The following KCNN2 variants were observed in gnomAD, a reference collection of about 807,000 sequenced individuals.
The protein encoded by KCNN2 is small conductance calcium-activated potassium channel protein 2.
KCNN2 carries 24 observed loss-of-function variants against 55.5 expected under a neutral mutation model. The observed-to-expected ratio is 0.43, with a 90% CI of 0.31 to 0.61. KCNN2 has a LOEUF of 0.61. Ranked by LOEUF, KCNN2 falls within the 20% of genes least tolerant of loss-of-function variation. The pLI, the probability that KCNN2 is intolerant of heterozygous loss-of-function variation, is 0.08. For missense variants in KCNN2, 754 were observed against 853.6 expected (o/e 0.88, Z 1.45); for synonymous variants, 431 against 336.1 (o/e 1.28, Z -3.09).
At chr5:114,420,428 T>G (rs1022135223) in intron 3 of KCNN2, among the ~76,000 whole-genome samples, 2 of 152,222 alleles carry the variant, frequency 1.3e-5, no homozygotes, top group East Asian at 3.8e-4. Flanking sequence ...TCCCCTGGTC[T>G]CTGCTTCCAA....
At chr5:114,413,439 CATGCCTGGCTAATTTTTTATGT>C (rs1415818673) in intron 3 of KCNN2, among the ~76,000 whole-genome samples, 5 of 152,146 alleles carry the variant, frequency 3.3e-5, no homozygotes, top group Non-Finnish European at 7.3e-5. Context: ...TGCCCGCCAC[CATGCCTGGCTAATTTTTTATGT>C]ATTTTTAGTA....
chr5:114,129,636 G>A (rs150434338), intron 1 of KCNN2, among the ~76,000 whole-genome samples: 13 of 152,240 alleles, frequency 8.5e-5, no homozygotes, highest in East Asian at 7.8e-4. Flanking sequence ...CCAGTCCTCC[G>A]GTATTGGGAA....
At chr5:114,229,556 C>CA (rs1272830760) in intron 2 of KCNN2, among the ~76,000 whole-genome samples, 2 of 151,810 alleles carry the variant, frequency 1.3e-5, no homozygotes, top group South Asian at 4.1e-4. Context: ...TAGGACATAT[C>CA]AGAGTACCAG....
At chr5:114,303,572 A>G (rs1756210495) in intron 2 of KCNN2, among the ~76,000 whole-genome samples, 1 of 152,244 alleles carries the variant, frequency 6.6e-6, no homozygotes, top group South Asian at 2.1e-4. Flanking sequence ...ACTGGAAGAA[A>G]GAGAATGACA....
chr5:114,249,107 G>C (rs1754806403), intron 2 of KCNN2, among the ~76,000 whole-genome samples: 1 of 152,092 alleles, frequency 6.6e-6, no homozygotes, highest in African/African-American at 2.4e-5. Flanking sequence ...AATAAAACAT[G>C]AGAAGAGAAT....
At chr5:114,383,118 C>A (rs146988417) in intron 2 of KCNN2, among the ~76,000 whole-genome samples, 1 of 152,198 alleles carries the variant, frequency 6.6e-6, no homozygotes, top group African/African-American at 2.4e-5. Context: ...GATAACTTAA[C>A]CATTCTGTGA....
At chr5:114,440,171 A>G (rs1760155094) in intron 3 of KCNN2, among the ~76,000 whole-genome samples, 1 of 152,180 alleles carries the variant, frequency 6.6e-6, no homozygotes, top group Non-Finnish European at 1.5e-5. Context: ...TAGACACATG[A>G]ACGTAAAAGG....
chr5:114,256,553 T>C (rs1041885327), intron 2 of KCNN2, among the ~76,000 whole-genome samples: 1 of 152,198 alleles, frequency 6.6e-6, no homozygotes, highest in Non-Finnish European at 1.5e-5. Flanking sequence ...TTTTTTGACT[T>C]TGTAATCATA....
intron 1 of KCNN2, among the ~76,000 whole-genome samples, chr5:114,091,981 GT>G (rs2112556457): frequency 6.6e-6 from 1 of 152,230 alleles, no homozygotes; most frequent in South Asian, 2.1e-4. Context: ...CAAATCTCAT[GT>G]TTCTTTCACA....
intron 2 of KCNN2, among the ~76,000 whole-genome samples, chr5:114,278,684 G>T (rs542344169): frequency 7.1e-4 from 108 of 152,350 alleles, no homozygotes; most frequent in African/African-American, 2.5e-3. Flanking sequence ...CCAGGCACAG[G>T]AGGGAATCTC....
At chr5:114,165,060 C>T (rs188629007) in intron 1 of KCNN2, among the ~76,000 whole-genome samples, 108 of 152,250 alleles carry the variant, frequency 7.1e-4, no homozygotes, top group Middle Eastern at 3.4e-3. Context: ...TGTTAAAGGT[C>T]GGATACAAAT....
chr5:114,406,460 A>G (rs375668101), intron 3 of KCNN2, among the ~76,000 whole-genome samples: 48 of 151,862 alleles, frequency 3.2e-4, no homozygotes, highest in Admixed American at 5.2e-4. Flanking sequence ...CTATGTTTAC[A>G]TTGTTATTAC....
intron 2 of KCNN2, among the ~76,000 whole-genome samples, chr5:114,340,280 T>C (rs1228852026): frequency 3.3e-5 from 5 of 152,226 alleles, no homozygotes; most frequent in Non-Finnish European, 2.9e-5. Context: ...GTGTTCTATT[T>C]AAGTTGCCCC....
intron 2 of KCNN2, among the ~76,000 whole-genome samples, chr5:114,385,954 G>A (rs986106896): frequency 8.6e-5 from 13 of 151,544 alleles, no homozygotes; most frequent in African/African-American, 2.7e-4. Context: ...CGAGGCGGGC[G>A]GATCGTGAGG....
intron 1 of KCNN2, among the ~76,000 whole-genome samples, chr5:114,112,414 G>T (rs984484280): frequency 6.6e-6 from 1 of 152,084 alleles, no homozygotes; most frequent in Non-Finnish European, 1.5e-5. Context: ...CCAACATGGT[G>T]CATATATACC....
intron 2 of KCNN2, among the ~76,000 whole-genome samples, chr5:114,256,153 C>A (rs1289572985): frequency 6.6e-6 from 1 of 152,106 alleles, no homozygotes; most frequent in East Asian, 1.9e-4. Flanking sequence ...ACAGTTCCAT[C>A]CATGTTGTTA....
At chr5:114,474,160 T>C (rs1292200170) in intron 5 of KCNN2, among the ~76,000 whole-genome samples, 1 of 152,216 alleles carries the variant, frequency 6.6e-6, no homozygotes, top group Non-Finnish European at 1.5e-5. Flanking sequence ...CACTCACTCT[T>C]GATTTTGGTT....
intron 2 of KCNN2, among the ~76,000 whole-genome samples, chr5:114,330,574 A>G (rs564046528): frequency 1.3e-5 from 2 of 152,194 alleles, no homozygotes; most frequent in East Asian, 1.9e-4. Context: ...CCCTCTAGAT[A>G]AAAGTCTAAT....
At chr5:114,138,791 A>G (rs1450821979) in intron 1 of KCNN2, among the ~76,000 whole-genome samples, 1 of 152,116 alleles carries the variant, frequency 6.6e-6, no homozygotes, top group Non-Finnish European at 1.5e-5. Flanking sequence ...GAGGAAGAGG[A>G]GAGTTTCATA....
Sources: gnomAD v4.1 joint callset for allele counts (sites outside exome capture counted in the v4.1 genomes callset) on GRCh38, gnomAD v4.1.1 for gene constraint, MANE v1.5 for transcripts, NCBI Gene and HGNC (gene_info 2026-07-23, HGNC 2026-07-21) for gene names.